XRCC5: variants seen among roughly 807,000 people sequenced by gnomAD.
The protein encoded by XRCC5 is DNA repair protein Ku80.
In XRCC5, 12 loss-of-function variants were observed where a neutral mutation model predicts 95.7. The observed-to-expected ratio is 0.13, with a 90% CI of 0.08 to 0.20. The LOEUF is 0.20. Among genes scored for constraint, XRCC5 ranks in the 10% least tolerant of loss-of-function variants. XRCC5 has a pLI of 1.00. For synonymous variants in XRCC5, 281 were observed against 290.3 expected, an observed-to-expected ratio of 0.97 and a Z score of 0.33; for missense variants, 595 against 873.9, an observed-to-expected ratio of 0.68 and a Z score of 4.02.
chr2:216,193,430 A>G lies in XRCC5; in HGVS notation c.2041+695A>G, dbSNP rs529409767. 2.6e-5 allele frequency among the ~76,000 whole-genome samples: 4 copies of G among 152,256 alleles called. No homozygotes were observed. The South Asian group carries it at 6.2e-4, about 24-fold the overall frequency. On this transcript the variant is annotated intron_variant, in intron 18 of 20. Transcript: ENST00000392132. ...TTTATGAGATAAACTTTTCACTTAT[A>G]CTAGAGATGCAAAATTTGTTTCAAT...
chr2:216,158,531 C>T (rs934736113), intron 14 of XRCC5, among the ~76,000 whole-genome samples: 1 of 152,116 alleles, frequency 6.6e-6, no homozygotes, highest in African/African-American at 2.4e-5. Context: ...GACTCAACTT[C>T]TAATGGAATT....
chr2:216,113,770 C>G (rs1362078023), intron 2 of XRCC5, among the ~76,000 whole-genome samples: 1 of 152,216 alleles, frequency 6.6e-6, no homozygotes, highest in Non-Finnish European at 1.5e-5. Context: ...GTTAGAATCT[C>G]TACATGTGGT....
At chr2:216,158,140 C>G (rs943851783) in intron 14 of XRCC5, among the ~76,000 whole-genome samples, 2 of 152,158 alleles carry the variant, frequency 1.3e-5, no homozygotes, top group African/African-American at 4.8e-5. Context: ...TCATGTGATT[C>G]AACTTCATAT....
intron 14 of XRCC5, among the ~76,000 whole-genome samples, chr2:216,150,680 C>G (rs1303122860): frequency 3.3e-5 from 5 of 152,044 alleles, no homozygotes; most frequent in Non-Finnish European, 4.4e-5. Flanking sequence ...GTCAGGAGTT[C>G]GAGACAGTCT....
At chr2:216,198,392 A>G (rs1222082886) in intron 19 of XRCC5, among the ~76,000 whole-genome samples, 1 of 152,132 alleles carries the variant, frequency 6.6e-6, no homozygotes, top group African/African-American at 2.4e-5. Flanking sequence ...GTCAGTTCTC[A>G]TTAGTATAGT....
intron 3 of XRCC5, chr2:216,117,073 T>C (rs1574450982): frequency 1.8e-6 from 1 of 548,442 alleles, no homozygotes; most frequent in East Asian, 3.0e-5. Context: ...TGGGTGATAC[T>C]GAGAGGTTGG....
intron 14 of XRCC5, among the ~76,000 whole-genome samples, chr2:216,153,078 G>A (rs1688775215): frequency 6.6e-6 from 1 of 151,964 alleles, no homozygotes; most frequent in African/African-American, 2.4e-5. Flanking sequence ...CAGAAGCCAG[G>A]CTCTTGGAAG....
chr2:216,151,829 C>CT (rs1202619829), intron 14 of XRCC5, among the ~76,000 whole-genome samples: 1 of 152,100 alleles, frequency 6.6e-6, no homozygotes, highest in Admixed American at 6.5e-5. Context: ...ATCACTCATG[C>CT]TGCTATAAAG....
At chr2:216,192,167 T>G (rs1436634954) in intron 17 of XRCC5, among the ~76,000 whole-genome samples, 1 of 151,906 alleles carries the variant, frequency 6.6e-6, no homozygotes. Flanking sequence ...TCCAGCTAAT[T>G]TTTGTATTTT....
intron 14 of XRCC5, among the ~76,000 whole-genome samples, chr2:216,153,733 G>C (rs567131274): frequency 3.3e-5 from 5 of 152,346 alleles, no homozygotes; most frequent in African/African-American, 1.2e-4. Context: ...TAGGCAGTCT[G>C]ACTCCAGAGC....
intron 16 of XRCC5, among the ~76,000 whole-genome samples, chr2:216,182,133 C>T (rs543586373): frequency 2.0e-5 from 3 of 152,206 alleles, no homozygotes; most frequent in Non-Finnish European, 4.4e-5. Flanking sequence ...TCCACCCTCC[C>T]CAAAAGCACA....
intron 7 of XRCC5, among the ~76,000 whole-genome samples, chr2:216,126,494 C>T (rs1696901967): frequency 6.6e-6 from 1 of 152,126 alleles, no homozygotes; most frequent in African/African-American, 2.4e-5. Context: ...TGTAAAATTG[C>T]ATTTTATAAT....
At chr2:216,180,557 C>T (rs747070533) in intron 16 of XRCC5, among the ~76,000 whole-genome samples, 1 of 151,912 alleles carries the variant, frequency 6.6e-6, no homozygotes. Context: ...ACCTGGGAGG[C>T]GGGAGGTTGC....
chr2:216,158,355 A>T (rs1323639785), intron 14 of XRCC5, among the ~76,000 whole-genome samples: 1 of 152,226 alleles, frequency 6.6e-6, no homozygotes, highest in Non-Finnish European at 1.5e-5. Flanking sequence ...AGTGAACGCC[A>T]TCAAGAAGGT....
chr2:216,127,462 T>G, intron 7 of XRCC5, 74 bp from the exon 8 acceptor site: 1 of 1,494,748 alleles, frequency 6.7e-7, no homozygotes, highest in East Asian at 2.3e-5. Flanking sequence ...TGCCAGAGAG[T>G]GTATTAGGTT....
At position 216,138,145 on chromosome 2, in the gene XRCC5, A is replaced by C; in HGVS notation, c.1308A>C (p.Ser436=). Residue 436 remains serine, a synonymous_variant, in exon 12 of 21, where the codon TCA becomes TCC. Coordinates refer to ENST00000392132, the MANE Select transcript of XRCC5 (RefSeq NM_021141.4). ...FMEDLRQYMF[S]SLKNSKKYAP... Reference sequence around the variant, plus strand: ...AAGACTTGCGGCAATACATGTTTTCATCCTTGAAAAACAGTAAGAAATATG... The same window carrying C: ...AAGACTTGCGGCAATACATGTTTTCCTCCTTGAAAAACAGTAAGAAATATG... The C allele has an allele frequency of 6.2e-7, 1 of 1,613,332 alleles. No individual in the cohort carries two copies. Among genetic ancestry groups the C allele is most frequent in the Non-Finnish European group, 8.5e-7 (1 of 1,179,936 alleles).
chr2:216,114,950 C>T (rs1696661588), intron 2 of XRCC5, among the ~76,000 whole-genome samples: 1 of 152,042 alleles, frequency 6.6e-6, no homozygotes, highest in Non-Finnish European at 1.5e-5. Flanking sequence ...TCGGGCTGCT[C>T]AAGGGAGGAA....
At chr2:216,196,864 T>C (rs1047063851) in intron 19 of XRCC5, among the ~76,000 whole-genome samples, 1 of 152,220 alleles carries the variant, frequency 6.6e-6, no homozygotes, top group Non-Finnish European at 1.5e-5. Context: ...CCCAGCCAAG[T>C]TGACACATAA....
At chr2:216,124,898 T>C (rs1033212991) in intron 6 of XRCC5, among the ~76,000 whole-genome samples, 8 of 152,214 alleles carry the variant, frequency 5.3e-5, no homozygotes, top group African/African-American at 1.9e-4. Context: ...GAAAATATGA[T>C]TGATTTTCAC....
Sources: gnomAD v4.1 joint callset for allele counts (sites outside exome capture counted in the v4.1 genomes callset) on GRCh38, gnomAD v4.1.1 for gene constraint, MANE v1.5 for transcripts, NCBI Gene and HGNC (gene_info 2026-07-23, HGNC 2026-07-21) for gene names.